GHR: variants seen among roughly 807,000 people sequenced by gnomAD.
GHR encodes the protein growth hormone receptor.
Under a neutral mutation model 67.1 loss-of-function variants are expected in GHR, and 35 were observed. That is an observed-to-expected ratio of 0.52 (90% confidence interval 0.40 to 0.69). GHR has a LOEUF of 0.69. Among genes scored for constraint, GHR ranks in the 30% least tolerant of loss-of-function variants. The pLI is 0.00. For synonymous variants in GHR, 272 were observed against 269.1 expected, an observed-to-expected ratio of 1.01 and a Z score of -0.10; for missense variants, 792 against 764.6, an observed-to-expected ratio of 1.04 and a Z score of -0.42.
chr5:42,687,826 C>T (rs1037320827), intron 3 of GHR, among the ~76,000 whole-genome samples: 1 of 151,756 alleles, frequency 6.6e-6, no homozygotes, highest in Non-Finnish European at 1.5e-5. Flanking sequence ...TGATTGAAGG[C>T]TAATCATATA....
intron 3 of GHR, among the ~76,000 whole-genome samples, chr5:42,631,939 A>G (rs762378632): frequency 5.3e-5 from 8 of 152,112 alleles, no homozygotes; most frequent in Non-Finnish European, 1.0e-4. Flanking sequence ...ACCTCTAGGT[A>G]TGGAGGATGT....
chr5:42,671,696 C>T (rs1349612916), intron 3 of GHR, among the ~76,000 whole-genome samples: 2 of 149,972 alleles, frequency 1.3e-5, no homozygotes, highest in East Asian at 2.0e-4. Flanking sequence ...GTGGCTCACA[C>T]CTGTAATCCC....
intron 1 of GHR, among the ~76,000 whole-genome samples, chr5:42,446,935 G>C (rs929409584): frequency 1.3e-5 from 2 of 152,144 alleles, no homozygotes; most frequent in African/African-American, 4.8e-5. Flanking sequence ...TGTTGGCAAG[G>C]GTTCAGCTCC....
At chr5:42,458,283 C>T (rs1744343302) in intron 1 of GHR, among the ~76,000 whole-genome samples, 1 of 152,070 alleles carries the variant, frequency 6.6e-6, no homozygotes, top group Middle Eastern at 3.2e-3. Flanking sequence ...AAAACAGACA[C>T]ATAGACAAAT....
intron 1 of GHR, among the ~76,000 whole-genome samples, chr5:42,497,295 T>C (rs1056985990): frequency 2.6e-5 from 4 of 152,200 alleles, no homozygotes; most frequent in Admixed American, 2.6e-4. Context: ...ATCCTGGAAC[T>C]TTTGAGTCTT....
chr5:42,575,869 A>G (rs1464151864), intron 2 of GHR, among the ~76,000 whole-genome samples: 1 of 151,310 alleles, frequency 6.6e-6, no homozygotes, highest in Non-Finnish European at 1.5e-5. Flanking sequence ...CCCTATCTCT[A>G]CTAAGAATAC....
At chr5:42,430,640 G>A (rs1321615689) in intron 1 of GHR, among the ~76,000 whole-genome samples, 4 of 147,634 alleles carry the variant, frequency 2.7e-5, no homozygotes, top group African/African-American at 1.0e-4. Context: ...GTGTGTGTAT[G>A]TGTGTGTTTC....
chr5:42,549,659 G>A (rs763806294), intron 1 of GHR: 13 of 985,018 alleles, frequency 1.3e-5, no homozygotes, highest in Middle Eastern at 5.2e-4. Flanking sequence ...CTTTGTGGAC[G>A]GAAGAAAGGG....
chr5:42,715,820 G>A (rs1410779747), intron 8 of GHR, among the ~76,000 whole-genome samples: 1 of 152,214 alleles, frequency 6.6e-6, no homozygotes, highest in Non-Finnish European at 1.5e-5. Flanking sequence ...AAACAAGGCA[G>A]CATATGCTGC....
chr5:42,638,404 G>T (rs781407112), intron 3 of GHR, among the ~76,000 whole-genome samples: 3 of 152,232 alleles, frequency 2.0e-5, no homozygotes, highest in Non-Finnish European at 2.9e-5. Flanking sequence ...GTGGGGATAG[G>T]TTCTAAGAAA....
chr5:42,474,261 A>C lies in GHR; in HGVS notation c.-12+50306A>C, dbSNP rs866323967. ...AGAAAGAGAGAGAAAGACAGACAGAAAGAAAGAAAGAAAGAAAGAAAGAAA... is the reference window on the plus strand; with the variant it reads ...AGAAAGAGAGAGAAAGACAGACAGACAGAAAGAAAGAAAGAAAGAAAGAAA... On this transcript the variant is annotated intron_variant, in intron 1 of 9. Coordinates refer to ENST00000230882, the MANE Select transcript of GHR (RefSeq NM_000163.5). Among the ~76,000 whole-genome samples, 105 of 102,252 alleles carry C rather than the reference A, an allele frequency of 1.0e-3. 3 individuals carry two copies. The highest frequency in any genetic ancestry group is 3.9e-3 in the African/African-American group (89 of 22,690). 67.1% of individuals were successfully genotyped at this position (102,252 alleles called of 152,430 possible).
At chr5:42,470,488 A>G (rs2112098317) in intron 1 of GHR, among the ~76,000 whole-genome samples, 1 of 152,240 alleles carries the variant, frequency 6.6e-6, no homozygotes, top group Non-Finnish European at 1.5e-5. Context: ...TTGGGTTATC[A>G]TTTCATCAAT....
chr5:42,685,475 G>A (rs896932172), intron 3 of GHR, among the ~76,000 whole-genome samples: 4 of 152,056 alleles, frequency 2.6e-5, no homozygotes, highest in African/African-American at 9.7e-5. Flanking sequence ...GGGATTGCTG[G>A]GTCAAATGGT....
At chr5:42,654,219 T>C (rs1370446224) in intron 3 of GHR, among the ~76,000 whole-genome samples, 1 of 152,138 alleles carries the variant, frequency 6.6e-6, no homozygotes, top group Non-Finnish European at 1.5e-5. Flanking sequence ...ATGCTTTACC[T>C]CTCAGAGTCT....
chr5:42,679,099 AT>A, intron 3 of GHR, among the ~76,000 whole-genome samples: 1 of 145,196 alleles, frequency 6.9e-6, no homozygotes, highest in South Asian at 2.1e-4. Flanking sequence ...ATTAGTATGT[AT>A]TAATATATTA....
intron 1 of GHR, chr5:42,468,201 C>T: frequency 7.0e-7 from 1 of 1,432,986 alleles, no homozygotes. Context: ...CTTTGATGTT[C>T]TCAGAGTGCA....
intron 1 of GHR, among the ~76,000 whole-genome samples, chr5:42,496,646 A>G (rs963381685): frequency 6.6e-6 from 1 of 152,186 alleles, no homozygotes; most frequent in Admixed American, 6.5e-5. Flanking sequence ...GATTGTCTTC[A>G]AGACAACTGG....
chr5:42,427,754 G>T (rs1319025086), intron 1 of GHR, among the ~76,000 whole-genome samples: 1 of 152,170 alleles, frequency 6.6e-6, no homozygotes, highest in African/African-American at 2.4e-5. Flanking sequence ...TTACTTTCTA[G>T]ATACAATGGA....
At chr5:42,601,071 C>T (rs548718989) in intron 2 of GHR, among the ~76,000 whole-genome samples, 24 of 151,768 alleles carry the variant, frequency 1.6e-4, no homozygotes, top group Admixed American at 3.9e-4. Flanking sequence ...GGATTACAGG[C>T]GCATGCCACC....
Sources: gnomAD v4.1 joint callset for allele counts (sites outside exome capture counted in the v4.1 genomes callset) on GRCh38, gnomAD v4.1.1 for gene constraint, MANE v1.5 for transcripts, NCBI Gene and HGNC (gene_info 2026-07-23, HGNC 2026-07-21) for gene names.